SH3GL1: variants seen among roughly 807,000 people sequenced by gnomAD.
SH3GL1 encodes SH3 domain containing GRB2 like 1, endophilin A2.
A neutral mutation model predicts 48.8 loss-of-function variants in SH3GL1; 21 were observed. The ratio of observed to expected loss-of-function variants is 0.43; its 90% CI spans 0.30 to 0.62. SH3GL1 has a LOEUF of 0.62. Among genes scored for constraint, SH3GL1 ranks in the 20% least tolerant of loss-of-function variants. The pLI, the probability that SH3GL1 is intolerant of heterozygous loss-of-function variation, is 0.11. For missense variants in SH3GL1, 454 were observed against 503.0 expected, an observed-to-expected ratio of 0.90 and a Z score of 0.93; for synonymous variants, 282 against 217.5, an observed-to-expected ratio of 1.30 and a Z score of -2.61.
rs1972579445 is a variant in SH3GL1, at chr19:4,360,586, C to G, written c.*1014G>C. The stretch of plus-strand genomic sequence containing the variant: ...AATGTGGCCTGGCCCAGAGAACTCC[C>G]CATTTCATCGATTTTGCATTGGGCG... On this transcript the variant is annotated 3_prime_UTR_variant, in exon 10 of 10. Coordinates refer to ENST00000269886, the MANE Select transcript of SH3GL1 (RefSeq NM_003025.4). 4.3e-6 allele frequency: 1 copy of G among 233,038 alleles called. No individual in the cohort carries two copies. Among genetic ancestry groups the G allele is most frequent in the African/African-American group, 2.2e-5 (1 of 45,302 alleles). The allele number at this position is 233,038 out of a possible 1,614,324, so 14.4% of individuals were successfully genotyped here. A position where few individuals can be genotyped will look rare whatever the true frequency, so the allele number is the denominator to read the frequency against.
chr19:4,394,147 G>T (rs938449070), intron 1 of SH3GL1, among the ~76,000 whole-genome samples: 1 of 94,286 alleles, frequency 1.1e-5, no homozygotes, highest in Non-Finnish European at 2.2e-5. Flanking sequence ...AAAAAAAAAA[G>T]CCAGCATTCC....
chr19:4,400,216 G>A lies in SH3GL1; in HGVS notation c.45+108C>T, dbSNP rs1973497725. On this transcript the variant is annotated intron_variant, in intron 1 of 9. Coordinates refer to ENST00000269886, the MANE Select transcript of SH3GL1 (RefSeq NM_003025.4). This position sits in a 1 kb window ranked among gnomAD's most constrained non-coding sequence, Gnocchi z 4.1. ...CACCTGGCAGGGGACACGCGCCAAC[G>A]TCCCCACCTCGGTCCCCCCGGCCCC... is the stretch of plus-strand genomic sequence containing the variant. 4.1e-6 allele frequency: 5 copies of A among 1,232,544 alleles called. No individual in the cohort carries two copies. In the Middle Eastern group the frequency reaches 8.1e-4, roughly 200 times the overall value. The allele number at this position is 1,232,544 out of a possible 1,614,324, so 76.4% of individuals were successfully genotyped here.
intron 4 of SH3GL1, among the ~76,000 whole-genome samples, chr19:4,364,866 T>TTGTGTGTGTG (rs373324973): frequency 0.035 from 3,373 of 96,720 alleles, 82 homozygotes; most frequent in Middle Eastern, 0.056. Context: ...ACCCGGCTAA[T>TTGTGTGTGTG]TGTGTGTGTG....
intron 1 of SH3GL1, among the ~76,000 whole-genome samples, chr19:4,381,933 C>T (rs974176758): frequency 4.6e-5 from 7 of 151,794 alleles, no homozygotes; most frequent in African/African-American, 1.7e-4. Context: ...CAACAAATCG[C>T]CACAAACCTA....
At chr19:4,366,789 C>A (rs1599594985) in intron 2 of SH3GL1, 137 bp downstream of exon 2, 1 of 971,468 alleles carries the variant, frequency 1.0e-6, no homozygotes, top group African/African-American at 1.6e-5. Context: ...GCCCCCACAC[C>A]ACCCCATCTC....
intron 6 of SH3GL1, 115 bp downstream of exon 6, chr19:4,363,605 T>TC (rs1972687151): frequency 2.0e-6 from 3 of 1,492,204 alleles, no homozygotes; most frequent in Non-Finnish European, 2.8e-6. Context: ...ACCCTCCACC[T>TC]CCCCTGCTGC....
chr19:4,388,954 G>A (rs1017536304), intron 1 of SH3GL1, among the ~76,000 whole-genome samples: 4 of 152,202 alleles, frequency 2.6e-5, no homozygotes, highest in African/African-American at 9.7e-5. Flanking sequence ...AGTCGGACCT[G>A]TTCCCAACCG....
intron 1 of SH3GL1, among the ~76,000 whole-genome samples, chr19:4,369,166 G>A (rs556392600): frequency 7.2e-5 from 11 of 152,206 alleles, no homozygotes; most frequent in East Asian, 3.8e-4. Flanking sequence ...TGTCCCTTGC[G>A]GGGCAGGAGA....
intron 1 of SH3GL1, among the ~76,000 whole-genome samples, chr19:4,377,845 C>A (rs532725760): frequency 1.3e-5 from 2 of 152,218 alleles, no homozygotes; most frequent in East Asian, 1.9e-4. Context: ...TGGCCCGAGT[C>A]CCCCCACCAT....
chr19:4,369,105 G>A (rs1972843776), intron 1 of SH3GL1, among the ~76,000 whole-genome samples: 1 of 151,994 alleles, frequency 6.6e-6, no homozygotes. Flanking sequence ...AAATCACCTC[G>A]TCACACCCAC....
At chr19:4,378,213 G>A (rs560919268) in intron 1 of SH3GL1, among the ~76,000 whole-genome samples, 1 of 152,282 alleles carries the variant, frequency 6.6e-6, no homozygotes, top group South Asian at 2.1e-4. Flanking sequence ...CGGGAGCTCA[G>A]GTGTGCCAGT....
Position 4,361,078 on chromosome 19 carries a change from G to A in SH3GL1, c.*522C>T. The A allele has an allele frequency of 4.2e-6, 1 of 236,606 alleles. No individual in the cohort carries two copies. Among genetic ancestry groups the A allele is most frequent in the Non-Finnish European group, 8.3e-6 (1 of 120,442 alleles). The allele number at this position is 236,606 out of a possible 1,614,324, so 14.7% of individuals were successfully genotyped here. ...TGCGTGTGTGAGGCGGGGGTGCATT[G>A]GCCCTGGAGTAGGGCCAGGGCCCAT... On this transcript the variant is annotated 3_prime_UTR_variant, in exon 10 of 10. Transcript: ENST00000269886.
intron 1 of SH3GL1, among the ~76,000 whole-genome samples, chr19:4,381,545 G>A (rs1288792466): frequency 4.3e-5 from 2 of 46,988 alleles, no homozygotes; most frequent in Non-Finnish European, 7.7e-5. Context: ...TCTGTCTCCC[G>A]TCTCTGTCCC....
intron 7 of SH3GL1, 72 bp from the exon 8 acceptor site, chr19:4,362,808 T>C: frequency 1.2e-6 from 2 of 1,605,532 alleles, no homozygotes; most frequent in East Asian, 4.5e-5. Flanking sequence ...GTATTTATGC[T>C]GCTGCCTAAT....
chr19:4,397,782 A>G (rs1194095071), intron 1 of SH3GL1, among the ~76,000 whole-genome samples: 1 of 152,212 alleles, frequency 6.6e-6, no homozygotes, highest in Non-Finnish European at 1.5e-5. Flanking sequence ...GGGTTTAACC[A>G]TCATCTGGGG....
chr19:4,382,320 C>G (rs1002974248), intron 1 of SH3GL1, among the ~76,000 whole-genome samples: 2 of 141,036 alleles, frequency 1.4e-5, no homozygotes, highest in Admixed American at 7.5e-5. Flanking sequence ...TGCAGTGGCG[C>G]GATCTCGGCT....
At chr19:4,396,363 T>C (rs1357982768) in intron 1 of SH3GL1, among the ~76,000 whole-genome samples, 4 of 152,140 alleles carry the variant, frequency 2.6e-5, no homozygotes, top group African/African-American at 9.7e-5. Context: ...CGTGCCATTG[T>C]ACTCCAGCCT....
At position 4,365,500 on chromosome 19, in the gene SH3GL1, C is replaced by G. The variant is rs1284562000; in HGVS notation, c.313G>C (p.Gly105Arg). The G allele has an allele frequency of 1.9e-6, 3 of 1,613,770 alleles. No homozygotes were observed. Among genetic ancestry groups the G allele is most frequent in the Non-Finnish European group, 2.5e-6 (3 of 1,180,044 alleles). Residue 105 changes from glycine (G) to arginine (R), a missense_variant, in exon 4 of 10, where the codon GGC becomes CGC. Gly to Arg is a moderately radical substitution (Grantham distance 125). Coordinates refer to ENST00000269886, the MANE Select transcript of SH3GL1 (RefSeq NM_003025.4). The part of the protein sequence containing the change: ...ECMIRHGKEL[G>R]GESNFGDALL... ...CACTCACCAAAGTTGGACTCGCCGC[C>G]CAGCTCCTTCCCGTGGCGGATCATG... is the stretch of plus-strand genomic sequence containing the variant.
intron 1 of SH3GL1, among the ~76,000 whole-genome samples, chr19:4,379,496 A>G (rs542440067): frequency 2.6e-5 from 4 of 152,014 alleles, no homozygotes; most frequent in African/African-American, 9.6e-5. Flanking sequence ...GAAGGTTGGT[A>G]GAAAATTCCC....
Sources: allele counts gnomAD v4.1 joint callset (sites outside exome capture counted in the v4.1 genomes callset), GRCh38; gene constraint gnomAD v4.1.1; non-coding constraint Gnocchi (gnomAD v3.1); transcripts MANE v1.5; gene names NCBI Gene and HGNC (gene_info 2026-07-23, HGNC 2026-07-21).